BBX: variants seen among roughly 807,000 people sequenced by gnomAD.
The protein encoded by BBX is BBX high mobility group box domain containing.
A neutral mutation model predicts 100.2 loss-of-function variants in BBX; 30 were observed. The observed-to-expected ratio is 0.30, with a 90% CI of 0.22 to 0.41. The LOEUF (loss-of-function observed/expected upper bound fraction) is 0.41. Among genes scored for constraint, BBX ranks in the 10% least tolerant of loss-of-function variants. The pLI, the probability that BBX is intolerant of heterozygous loss-of-function variation, is 1.00. For missense variants in BBX, 1,023 were observed against 1,129.8 expected, an observed-to-expected ratio of 0.91 and a Z score of 1.35; for synonymous variants, 376 against 388.1, an observed-to-expected ratio of 0.97 and a Z score of 0.37.
chr3:107,678,940 A>G (rs1229342175), intron 3 of BBX, among the ~76,000 whole-genome samples: 1 of 152,180 alleles, frequency 6.6e-6, no homozygotes, highest in Non-Finnish European at 1.5e-5. Context: ...GAGGATGCCA[A>G]GGCACAGGGA....
chr3:107,656,281 C>A (rs2058137303), intron 3 of BBX, among the ~76,000 whole-genome samples: 1 of 152,094 alleles, frequency 6.6e-6, no homozygotes, highest in Non-Finnish European at 1.5e-5. Context: ...GGTCTTTGTC[C>A]CGTGTATCAA....
intron 7 of BBX, among the ~76,000 whole-genome samples, chr3:107,739,315 T>C (rs1404062632): frequency 2.6e-5 from 4 of 152,214 alleles, no homozygotes; most frequent in Non-Finnish European, 5.9e-5. Context: ...ATCAAAACTT[T>C]TATTCCCTTC....
intron 15 of BBX, among the ~76,000 whole-genome samples, chr3:107,797,303 GT>G (rs964256297): frequency 5.9e-5 from 6 of 101,722 alleles, no homozygotes; most frequent in East Asian, 3.4e-4. Context: ...TCTTGCTCTA[GT>G]TTTTTTTTCC....
intron 3 of BBX, among the ~76,000 whole-genome samples, chr3:107,707,819 C>T (rs1389006685): frequency 2.6e-5 from 4 of 152,108 alleles, no homozygotes; most frequent in African/African-American, 9.7e-5. Flanking sequence ...CATGTATATA[C>T]ACAAAGGTGC....
At chr3:107,610,814 C>T (rs1265475139) in intron 2 of BBX, among the ~76,000 whole-genome samples, 1 of 150,030 alleles carries the variant, frequency 6.7e-6, no homozygotes, top group African/African-American at 2.5e-5. Context: ...CATTTAATCA[C>T]TATGTCTTTT....
chr3:107,722,008 G>A (rs2062576297), intron 5 of BBX, among the ~76,000 whole-genome samples: 1 of 151,844 alleles, frequency 6.6e-6, no homozygotes. Context: ...TTAATACATT[G>A]AAGGGCTACT....
At chr3:107,535,235 T>G (rs1377291960) in intron 2 of BBX, among the ~76,000 whole-genome samples, 3 of 152,258 alleles carry the variant, frequency 2.0e-5, no homozygotes, top group South Asian at 4.1e-4. Context: ...TAGCTAAGAA[T>G]TCTCCCCAAT....
intron 8 of BBX, 89 bp from the exon 9 acceptor site, chr3:107,747,876 G>C (rs1216530206): frequency 9.5e-7 from 1 of 1,048,440 alleles, no homozygotes; most frequent in African/African-American, 1.6e-5. Flanking sequence ...ATCTTTATCA[G>C]TGTCTACAGT....
At chr3:107,666,054 G>A (rs954250100) in intron 3 of BBX, among the ~76,000 whole-genome samples, 40 of 152,230 alleles carry the variant, frequency 2.6e-4, no homozygotes, top group African/African-American at 8.4e-4. Flanking sequence ...GGAGTTATTT[G>A]ACTCCAGATT....
rs2067023667 is a variant in BBX, at chr3:107,772,960, C to T, written c.1239C>T (p.Ala413=). ...ATTTTCCTGATTTTTCTTATTCTGC[C>T]AGTAGCAAGATAATAATTAGTGATG... ...CSHFPDFSYS[A]SSKIIISDVP... Residue 413 remains alanine, a synonymous_variant, in exon 11 of 18, where the codon GCC becomes GCT. Coordinates refer to ENST00000325805, the MANE Select transcript of BBX (RefSeq NM_001142568.3). 1 of 1,612,600 alleles carries T rather than the reference C, an allele frequency of 6.2e-7. No individual in the cohort carries two copies. The highest frequency in any genetic ancestry group is 1.3e-5 in the African/African-American group (1 of 74,742).
intron 10 of BBX, among the ~76,000 whole-genome samples, chr3:107,764,844 T>C (rs1382003543): frequency 2.6e-5 from 4 of 152,208 alleles, no homozygotes; most frequent in East Asian, 1.9e-4. Flanking sequence ...TGATTTATGT[T>C]CTTTTATGTC....
chr3:107,687,323 CAGTTA>C (rs1386239407), intron 3 of BBX, among the ~76,000 whole-genome samples: 1 of 138,874 alleles, frequency 7.2e-6, no homozygotes, highest in African/African-American at 2.9e-5. Flanking sequence ...CTCAGCTACA[CAGTTA>C]AGTTTCTTTT....
At chr3:107,650,495 C>T (rs1275617798) in intron 3 of BBX, among the ~76,000 whole-genome samples, 2 of 151,852 alleles carry the variant, frequency 1.3e-5, no homozygotes, top group African/African-American at 2.4e-5. Flanking sequence ...TCTCTATTGA[C>T]GTTGTCCCCT....
At chr3:107,582,489 A>G (rs1242996620) in intron 2 of BBX, among the ~76,000 whole-genome samples, 4 of 152,076 alleles carry the variant, frequency 2.6e-5, no homozygotes, top group African/African-American at 4.8e-5. Flanking sequence ...AAGCCAAACT[A>G]TTGATACTAA....
At chr3:107,592,648 T>C (rs767309612) in intron 2 of BBX, among the ~76,000 whole-genome samples, 1 of 152,192 alleles carries the variant, frequency 6.6e-6, no homozygotes, top group Non-Finnish European at 1.5e-5. Flanking sequence ...GCTCATGTTT[T>C]ATTGATAAAA....
At chr3:107,536,733 A>G (rs7646655) in intron 2 of BBX, among the ~76,000 whole-genome samples, 185 of 152,264 alleles carry the variant, frequency 1.2e-3, no homozygotes, top group African/African-American at 4.4e-3. Flanking sequence ...TTCAACATTC[A>G]TTGATTGAGT....
At chr3:107,711,593 A>C (rs1211320011) in intron 4 of BBX, among the ~76,000 whole-genome samples, 1 of 152,138 alleles carries the variant, frequency 6.6e-6, no homozygotes, top group African/African-American at 2.4e-5. Flanking sequence ...TTTCACAGAG[A>C]AAATAGAGGC....
chr3:107,787,256 A>G (rs1320669896), intron 13 of BBX, among the ~76,000 whole-genome samples: 1 of 152,184 alleles, frequency 6.6e-6, no homozygotes, highest in East Asian at 1.9e-4. Context: ...TGGCCCCCCA[A>G]AGTGCTGAGA....
In BBX at chr3:107,805,682, G is replaced by C. The variant is rs1406440194; in HGVS notation, c.*225G>C. 2 of 713,000 alleles carry C rather than the reference G, an allele frequency of 2.8e-6. No individual in the cohort carries two copies. Among genetic ancestry groups the C allele is most frequent in the African/African-American group, 3.5e-5 (2 of 56,366 alleles). 44.2% of individuals were successfully genotyped at this position (713,000 alleles called of 1,614,324 possible). On this transcript the variant is annotated 3_prime_UTR_variant, in exon 18 of 18. Coordinates refer to ENST00000325805, the MANE Select transcript of BBX (RefSeq NM_001142568.3). ...AAGGTTATCTGTCTGATACTGAGCAGAAACAGAATGATCCTGGAGCTTTGC... is the reference window on the plus strand; with the variant it reads ...AAGGTTATCTGTCTGATACTGAGCACAAACAGAATGATCCTGGAGCTTTGC...
Sources: gnomAD v4.1 joint callset for allele counts (sites outside exome capture counted in the v4.1 genomes callset) on GRCh38, gnomAD v4.1.1 for gene constraint, MANE v1.5 for transcripts, NCBI Gene and HGNC (gene_info 2026-07-23, HGNC 2026-07-21) for gene names.